PCSK5: variants seen among roughly 807,000 people sequenced by gnomAD.
The protein encoded by PCSK5 is proprotein convertase subtilisin/kexin type 5, also known as prohormone convertase 5.
In PCSK5, 129 loss-of-function variants were observed where a neutral mutation model predicts 233.2. That is an observed-to-expected ratio of 0.55 (90% confidence interval 0.48 to 0.64). PCSK5 has a LOEUF of 0.64. PCSK5 is among the 30% of genes least tolerant of loss of function. PCSK5 has a pLI of 0.00. For synonymous variants in PCSK5, 825 were observed against 879.2 expected (o/e 0.94, Z 1.09); for missense variants, 2,076 against 2,430.1 (o/e 0.85, Z 3.06).
intron 27 of PCSK5, among the ~76,000 whole-genome samples, chr9:76,297,366 G>A (rs756047407): frequency 8.5e-5 from 13 of 152,144 alleles, no homozygotes; most frequent in Non-Finnish European, 1.6e-4. Flanking sequence ...CTATGGCTGC[G>A]TTATTAGAGC....
intron 24 of PCSK5, 147 bp downstream of exon 24, chr9:76,240,831 A>G: frequency 1.6e-6 from 1 of 636,018 alleles, no homozygotes; most frequent in Non-Finnish European, 2.9e-6. Flanking sequence ...GCTTTCTTCA[A>G]TACAAACAGG....
intron 5 of PCSK5, among the ~76,000 whole-genome samples, chr9:76,046,518 A>T (rs1485580739): frequency 6.9e-6 from 1 of 145,674 alleles, no homozygotes; most frequent in Non-Finnish European, 1.5e-5. Flanking sequence ...TACTAGAGTG[A>T]GAAGGAATAC....
intron 3 of PCSK5, 74 bp from the exon 4 acceptor site, chr9:76,023,660 CAAAA>C (rs1268932383): frequency 6.0e-5 from 78 of 1,309,098 alleles, no homozygotes; most frequent in Non-Finnish European, 7.5e-5. Flanking sequence ...AAAAAAAAAA[CAAAA>C]GAAAGAAAGA....
intron 20 of PCSK5, among the ~76,000 whole-genome samples, chr9:76,200,478 A>G: frequency 6.6e-6 from 1 of 152,112 alleles, no homozygotes; most frequent in South Asian, 2.1e-4. Flanking sequence ...ATGGTTCGTT[A>G]CTTGTTGTCA....
Position 76,136,024 on chromosome 9 carries a change from C to T in PCSK5, c.1312+1812C>T, listed in dbSNP as rs143662503. On this transcript the variant is annotated intron_variant, in intron 10 of 37. Coordinates refer to ENST00000674117, the MANE Select transcript of PCSK5 (RefSeq NM_001372043.1). ...TTTGTGCACTGCTTTAAGGAGGAAACGGTATTTTACTATTGCACGTGGCAA... is the reference window on the plus strand; with the variant it reads ...TTTGTGCACTGCTTTAAGGAGGAAATGGTATTTTACTATTGCACGTGGCAA... Among the ~76,000 whole-genome samples, 691 of 152,014 alleles carry T rather than the reference C, an allele frequency of 4.5e-3. 7 individuals are homozygous for T. The highest frequency in any genetic ancestry group is 0.016 in the African/African-American group (662 of 41,488).
chr9:76,214,862 GC>G (rs1257441146), intron 20 of PCSK5, among the ~76,000 whole-genome samples: 2 of 152,110 alleles, frequency 1.3e-5, no homozygotes, highest in Non-Finnish European at 2.9e-5. Context: ...TATTGAGAAA[GC>G]TTTTCTAGAA....
intron 7 of PCSK5, among the ~76,000 whole-genome samples, chr9:76,094,275 A>ATTTG (rs762989274): frequency 0.01 from 1,574 of 152,306 alleles, 18 homozygotes; most frequent in South Asian, 0.032. Flanking sequence ...AGAAATTCTA[A>ATTTG]GACAGCATCC....
At position 76,023,836 on chromosome 9, in the gene PCSK5, G is replaced by A. The variant is rs768648225; in HGVS notation, c.510G>A (p.Leu170=). 1 of 1,613,410 alleles carries A rather than the reference G, an allele frequency of 6.2e-7. No individual in the cohort carries two copies. ...GAAAGAACATTGTGGTCACTATCCT[G>A]GATGACGGAATTGAGAGAACCCATC... The part of the protein sequence containing the change: ...YTGKNIVVTI[L]DDGIERTHPD... The change falls in exon 4 of 38, where the codon CTG becomes CTA. Residue 170 remains leucine (L), a synonymous_variant. Coordinates refer to ENST00000674117, the MANE Select transcript of PCSK5 (RefSeq NM_001372043.1).
chr9:76,253,083 C>T (rs1244466288), intron 24 of PCSK5, among the ~76,000 whole-genome samples: 1 of 152,024 alleles, frequency 6.6e-6, no homozygotes, highest in African/African-American at 2.4e-5. Flanking sequence ...AAGGAAGTGG[C>T]TGATTGTAAA....
At chr9:76,081,421 T>C (rs1451857065) in intron 7 of PCSK5, among the ~76,000 whole-genome samples, 1 of 151,708 alleles carries the variant, frequency 6.6e-6, no homozygotes, top group Admixed American at 6.6e-5. Flanking sequence ...GCCATTGCAC[T>C]CCAGCCTGGG....
At chr9:76,206,772 T>G (rs1825130935) in intron 20 of PCSK5, among the ~76,000 whole-genome samples, 1 of 152,248 alleles carries the variant, frequency 6.6e-6, no homozygotes, top group Non-Finnish European at 1.5e-5. Context: ...ACAATGCACC[T>G]GCTGACTCGC....
chr9:76,079,227 C>T (rs1413142500), intron 7 of PCSK5, among the ~76,000 whole-genome samples: 2 of 151,652 alleles, frequency 1.3e-5, no homozygotes, highest in Non-Finnish European at 2.9e-5. Context: ...CCTCAGACTC[C>T]CAAGTAGCTG....
At chr9:76,234,585 G>A (rs1020278085) in intron 22 of PCSK5, among the ~76,000 whole-genome samples, 6 of 152,128 alleles carry the variant, frequency 3.9e-5, no homozygotes, top group African/African-American at 1.4e-4. Flanking sequence ...ATTGCTTTGT[G>A]TTTCATGTGT....
chr9:76,076,801 TAAAC>T (rs1204022369), intron 7 of PCSK5, among the ~76,000 whole-genome samples: 2 of 152,218 alleles, frequency 1.3e-5, no homozygotes, highest in Non-Finnish European at 1.5e-5. Context: ...GAAACTATGT[TAAAC>T]AAACCTTGTC....
chr9:76,324,944 A>G (rs1422629662), intron 32 of PCSK5, among the ~76,000 whole-genome samples: 3 of 152,060 alleles, frequency 2.0e-5, no homozygotes, highest in African/African-American at 7.2e-5. Flanking sequence ...ACCCTGGGAC[A>G]CCCACACCCT....
chr9:76,299,931 A>T (rs114311802), intron 27 of PCSK5, among the ~76,000 whole-genome samples: 1,642 of 152,326 alleles, frequency 0.011, 26 homozygotes, highest in African/African-American at 0.037. Flanking sequence ...TCCTAGGAGT[A>T]ATTTCTGCAC....
chr9:76,201,941 C>A (rs545185856), intron 20 of PCSK5, among the ~76,000 whole-genome samples: 14 of 152,178 alleles, frequency 9.2e-5, no homozygotes, highest in Non-Finnish European at 1.5e-4. Context: ...AATACAAATT[C>A]TGTGAGCTCC....
intron 1 of PCSK5, among the ~76,000 whole-genome samples, chr9:75,924,135 G>A (rs1014919930): frequency 3.3e-5 from 5 of 151,676 alleles, no homozygotes; most frequent in Non-Finnish European, 5.9e-5. Flanking sequence ...CTAATCAGCC[G>A]ACCACATACC....
intron 35 of PCSK5, among the ~76,000 whole-genome samples, chr9:76,341,237 A>T (rs1234025522): frequency 2.0e-5 from 3 of 151,844 alleles, no homozygotes; most frequent in Non-Finnish European, 2.9e-5. Context: ...AAACAAAAAA[A>T]AAGATTTCAA....
Sources: allele counts gnomAD v4.1 joint callset (sites outside exome capture counted in the v4.1 genomes callset), GRCh38; gene constraint gnomAD v4.1.1; transcripts MANE v1.5; gene names NCBI Gene and HGNC (gene_info 2026-07-23, HGNC 2026-07-21).